Variants in SIPA1L2 observed in about 807,000 individuals in gnomAD.
SIPA1L2 encodes the protein signal-induced proliferation-associated 1-like protein 2.
SIPA1L2 carries 56 observed loss-of-function variants against 163.9 expected under a neutral mutation model. The ratio of observed to expected loss-of-function variants is 0.34; its 90% CI spans 0.28 to 0.43. The LOEUF is 0.43. Among genes scored for constraint, SIPA1L2 ranks in the 20% least tolerant of loss-of-function variants. The pLI, the probability that SIPA1L2 is intolerant of heterozygous loss-of-function variation, is 1.00. For synonymous variants in SIPA1L2, 877 were observed against 865.7 expected, an observed-to-expected ratio of 1.01 and a Z score of -0.23; for missense variants, 1,974 against 2,193.5, an observed-to-expected ratio of 0.90 and a Z score of 2.00.
chr1:232,559,417 C>G (rs866301673), intron 2 of SIPA1L2, among the ~76,000 whole-genome samples: 6 of 152,166 alleles, frequency 3.9e-5, no homozygotes, highest in Admixed American at 2.0e-4. Context: ...GGGAACTGCA[C>G]AGGCAGGAAG....
chr1:232,539,763 C>T (rs896428068), intron 2 of SIPA1L2, among the ~76,000 whole-genome samples: 11 of 152,182 alleles, frequency 7.2e-5, no homozygotes, highest in South Asian at 2.1e-4. Context: ...CTTTCTACCA[C>T]GAGTCTGACG....
chr1:232,419,421 T>C (rs1454718439), intron 18 of SIPA1L2, among the ~76,000 whole-genome samples: 2 of 152,348 alleles, frequency 1.3e-5, no homozygotes, highest in East Asian at 3.9e-4. Context: ...TGTTGTCCCC[T>C]CTAAATCTCA....
intron 3 of SIPA1L2, among the ~76,000 whole-genome samples, chr1:232,495,616 C>T (rs562963407): frequency 9.9e-4 from 150 of 151,672 alleles, no homozygotes; most frequent in African/African-American, 3.5e-3. Flanking sequence ...GTATATAGTC[C>T]TAGACTTGCA....
rs59088753 is a variant in SIPA1L2 at position 232,564,235 on chromosome 1, CGTGTGTGT to C, written c.-270+9931_-270+9938del. On this transcript the variant is annotated intron_variant, in intron 2 of 22. Transcript: ENST00000674635. ...GAACGACAAAGGTTTTTTTTTTTTT[CGTGTGTGT>C]GTGTGTGTGTGTGTGTGTGTGTGTG... Among the ~76,000 whole-genome samples, 166 of 29,688 alleles carry C rather than the reference CGTGTGTGT, an allele frequency of 5.6e-3. 4 individuals carry two copies. The highest frequency in any genetic ancestry group is 0.015 in the South Asian group (7 of 462). The allele number at this position is 29,688 out of a possible 152,430, so 19.5% of individuals were successfully genotyped here. A position where few individuals can be genotyped will look rare whatever the true frequency, so the allele number is the denominator to read the frequency against.
chr1:232,524,825 T>C (rs1165611936), intron 2 of SIPA1L2, among the ~76,000 whole-genome samples: 2 of 152,190 alleles, frequency 1.3e-5, no homozygotes, highest in Non-Finnish European at 2.9e-5. Flanking sequence ...CCCCATATTA[T>C]GATAGTGGTT....
At chr1:232,531,865 G>A (rs1414559649) in intron 2 of SIPA1L2, among the ~76,000 whole-genome samples, 2 of 152,150 alleles carry the variant, frequency 1.3e-5, no homozygotes, top group African/African-American at 4.8e-5. Context: ...AGATAGAAAG[G>A]AAGGGAGAGG....
intron 18 of SIPA1L2, among the ~76,000 whole-genome samples, chr1:232,421,913 G>T (rs1008640894): frequency 1.3e-5 from 2 of 152,116 alleles, no homozygotes; most frequent in Non-Finnish European, 2.9e-5. Context: ...ATTCTGATAG[G>T]AAGATTTCAG....
At chr1:232,588,813 G>A (rs1056523331) in intron 1 of SIPA1L2, among the ~76,000 whole-genome samples, 3 of 152,142 alleles carry the variant, frequency 2.0e-5, no homozygotes, top group East Asian at 1.9e-4. Flanking sequence ...AAAAAATAAC[G>A]AAGCATACTT....
intron 7 of SIPA1L2, among the ~76,000 whole-genome samples, chr1:232,472,637 A>T (rs1664856600): frequency 6.6e-6 from 1 of 152,224 alleles, no homozygotes; most frequent in South Asian, 2.1e-4. Context: ...TTTAATACAT[A>T]CAACAATCCT....
intron 2 of SIPA1L2, among the ~76,000 whole-genome samples, chr1:232,526,068 A>G (rs1165598050): frequency 1.3e-5 from 2 of 152,220 alleles, no homozygotes; most frequent in Non-Finnish European, 2.9e-5. Flanking sequence ...AATCAGTATT[A>G]TCTACATAAA....
chr1:232,564,245 T>TTC lies in SIPA1L2; in HGVS notation c.-270+9928_-270+9929insGA, dbSNP rs1325116675. On this transcript the variant is annotated intron_variant, in intron 2 of 22. Transcript: ENST00000674635. The stretch of plus-strand genomic sequence containing the variant: ...GGTTTTTTTTTTTTTCGTGTGTGTG[T>TTC]GTGTGTGTGTGTGTGTGTGTGTGTG... 5.7e-4 allele frequency among the ~76,000 whole-genome samples: 19 copies of TTC among 33,298 alleles called. 3 individuals are homozygous for TTC. Among genetic ancestry groups the TTC allele is most frequent in the African/African-American group, 2.5e-3 (18 of 7,124 alleles). The allele number at this position is 33,298 out of a possible 152,430, so 21.8% of individuals were successfully genotyped here. A position where few individuals can be genotyped will look rare whatever the true frequency, so the allele number is the denominator to read the frequency against.
intron 19 of SIPA1L2, among the ~76,000 whole-genome samples, chr1:232,414,525 G>A (rs1308101684): frequency 6.6e-6 from 1 of 152,038 alleles, no homozygotes; most frequent in East Asian, 1.9e-4. Context: ...GAAAAGAAAT[G>A]GGGAGTGAGA....
At chr1:232,599,487 C>G (rs1364796281) in intron 1 of SIPA1L2, among the ~76,000 whole-genome samples, 1 of 152,210 alleles carries the variant, frequency 6.6e-6, no homozygotes, top group Non-Finnish European at 1.5e-5. Flanking sequence ...ATCTTCTGTA[C>G]GCTATCAAAT....
chr1:232,412,180 A>C (rs1660994627), intron 19 of SIPA1L2, among the ~76,000 whole-genome samples: 1 of 152,220 alleles, frequency 6.6e-6, no homozygotes, highest in Non-Finnish European at 1.5e-5. Flanking sequence ...TTTAGCCCTT[A>C]AATGAAGGTG....
At chr1:232,453,995 C>A (rs1203987565) in intron 10 of SIPA1L2, among the ~76,000 whole-genome samples, 2 of 152,136 alleles carry the variant, frequency 1.3e-5, no homozygotes, top group East Asian at 3.9e-4. Flanking sequence ...CTAAAATACT[C>A]CAAATTATCC....
rs750582231 is a variant in SIPA1L2, at chr1:232,483,922, G to A, written c.1851C>T (p.Gly617=). Residue 617 remains glycine (G), a synonymous_variant, in exon 6 of 23, where the codon GGC becomes GGT. Transcript: ENST00000674635. The stretch of plus-strand genomic sequence containing the variant: ...TATACATCTCTTCCTCTGTGCTCTG[G>A]CCTGCTTTGCAATAAAGGATCCCGA... ...HKIGILYCKA[G]QSTEEEMYNN... 18 of 1,613,648 alleles carry A rather than the reference G, an allele frequency of 1.1e-5. No individual in the cohort carries two copies. The Middle Eastern group carries it at 6.6e-4, about 59-fold the overall frequency.
chr1:232,553,146 C>T (rs1658496043), intron 2 of SIPA1L2, among the ~76,000 whole-genome samples: 2 of 152,264 alleles, frequency 1.3e-5, no homozygotes, highest in Admixed American at 1.3e-4. Context: ...TGGCTCTCAG[C>T]AGGATGGATG....
In SIPA1L2 at chr1:232,445,554, C is replaced by A; in HGVS notation, c.3328G>T (p.Asp1110Tyr). Residue 1110 changes from aspartate to tyrosine, a missense_variant, in exon 11 of 23, where the codon GAC becomes TAC. Asp to Tyr is a radical substitution (Grantham distance 160, BLOSUM62 -3). This residue lies in a region of SIPA1L2 where 1,079 missense variants were observed against 1,150.7 expected (regional missense o/e 0.94). Coordinates refer to ENST00000674635, the MANE Select transcript of SIPA1L2 (RefSeq NM_020808.5). ...CTCGTGCCATCGGGCAGCTTCCGGT[C>A]GAAGGAGGTGCTTCGAGGAATGGCA... ...QAAIPRSTSF[D>Y]RKLPDGTRSS... 1 of 1,613,892 alleles carries A rather than the reference C, an allele frequency of 6.2e-7. No homozygotes were observed. The highest frequency in any genetic ancestry group is 8.5e-7 in the Non-Finnish European group (1 of 1,179,934).
chr1:232,586,916 T>A (rs58754214), intron 1 of SIPA1L2, among the ~76,000 whole-genome samples: 3,278 of 152,348 alleles, frequency 0.022, 49 homozygotes, highest in East Asian at 0.068. Context: ...TGATAAAGAC[T>A]GCGTCTATTA....
Sources: gnomAD v4.1 joint callset for allele counts (sites outside exome capture counted in the v4.1 genomes callset) on GRCh38, gnomAD v4.1.1 for gene constraint, gnomAD v4.1.1 regional missense constraint, MANE v1.5 for transcripts, NCBI Gene and HGNC (gene_info 2026-07-23, HGNC 2026-07-21) for gene names.